The following ARID2 variants were observed in gnomAD, a reference collection of about 807,000 sequenced individuals.
ARID2 encodes the protein AT-rich interaction domain 2.
Under a neutral mutation model 184.6 loss-of-function variants are expected in ARID2, and 32 were observed. The observed-to-expected ratio is 0.17, with a 90% CI of 0.13 to 0.23. ARID2 has a LOEUF of 0.23. Among genes scored for constraint, ARID2 ranks in the 10% least tolerant of loss-of-function variants. ARID2 has a pLI of 1.00. For synonymous variants in ARID2, 836 were observed against 772.6 expected (o/e 1.08, Z -1.36); for missense variants, 1,696 against 2,197.6 (o/e 0.77, Z 4.56).
chr12:45,852,397 G>T lies in ARID2; in HGVS notation c.4274G>T (p.Gly1425Val), dbSNP rs368599091. The T allele has an allele frequency of 1.9e-6, 3 of 1,614,122 alleles. No individual in the cohort carries two copies. The highest frequency in any genetic ancestry group is 3.3e-5 in the Admixed American group (2 of 60,022). ...AATGGACCTGTATTAACTTTGGGTG[G>T]TTCATCTGTGAGCAGTATACAGGAG... The part of the protein sequence containing the change: ...ISNGPVLTLG[G>V]SSVSSIQEAS... The change falls in exon 15 of 21, where the codon GGT becomes GTT. Residue 1425 changes from glycine (G) to valine (V), a missense_variant. Around this residue, in one of 11 missense-constraint regions of ARID2, gnomAD observed 428 missense variants for 409.1 expected, o/e 1.05. Transcript: ENST00000334344.
intron 3 of ARID2, among the ~76,000 whole-genome samples, chr12:45,791,003 T>A (rs1942281445): frequency 6.6e-6 from 1 of 152,236 alleles, no homozygotes; most frequent in Non-Finnish European, 1.5e-5. Context: ...AACATGAGTG[T>A]ACAAATAATC....
chr12:45,848,368 G>T (rs1943480626), intron 12 of ARID2, among the ~76,000 whole-genome samples: 1 of 152,010 alleles, frequency 6.6e-6, no homozygotes, highest in Non-Finnish European at 1.5e-5. Flanking sequence ...TAGCTGAAAA[G>T]CTTGGATAAG....
chr12:45,830,606 G>A (rs1019377835), intron 6 of ARID2, among the ~76,000 whole-genome samples: 5 of 152,004 alleles, frequency 3.3e-5, no homozygotes, highest in Admixed American at 6.6e-5. Flanking sequence ...CATCAAGAGC[G>A]AAACCATTTG....
Position 45,731,450 on chromosome 12 carries a change from T to C in ARID2, c.284+136T>C, listed in dbSNP as rs1474829824. ...TGTTCATTTCAGACTGAGACACATTTAATATAAATAAAGTGAGATTGTAGG... is the reference window on the plus strand; with the variant it reads ...TGTTCATTTCAGACTGAGACACATTCAATATAAATAAAGTGAGATTGTAGG... On this transcript the variant is annotated intron_variant, in intron 3 of 20. Coordinates refer to ENST00000334344, the MANE Select transcript of ARID2 (RefSeq NM_152641.4). 4.9e-6 allele frequency: 3 copies of C among 608,758 alleles called. No homozygotes were observed. The East Asian group carries it at 8.4e-5, about 17-fold the overall frequency. The allele number at this position is 608,758 out of a possible 1,614,324, so 37.7% of individuals were successfully genotyped here.
intron 3 of ARID2, among the ~76,000 whole-genome samples, chr12:45,791,123 C>T (rs898994441): frequency 6.6e-6 from 1 of 151,856 alleles, no homozygotes; most frequent in African/African-American, 2.4e-5. Context: ...ATGCTGTTTC[C>T]CATAGTGGCT....
chr12:45,768,353 C>T (rs1325674537), intron 3 of ARID2, among the ~76,000 whole-genome samples: 3 of 152,010 alleles, frequency 2.0e-5, no homozygotes, highest in Non-Finnish European at 2.9e-5. Context: ...TCACCCATGC[C>T]CCAGCTTGTA....
At chr12:45,786,024 A>G (rs1459042055) in intron 3 of ARID2, among the ~76,000 whole-genome samples, 3 of 152,180 alleles carry the variant, frequency 2.0e-5, no homozygotes, top group Non-Finnish European at 4.4e-5. Flanking sequence ...TCATATTTCA[A>G]AAAACCTTTA....
intron 3 of ARID2, among the ~76,000 whole-genome samples, chr12:45,784,469 AGCTGGGGGCGGTG>A (rs1401663130): frequency 1.3e-5 from 2 of 152,200 alleles, no homozygotes; most frequent in East Asian, 3.8e-4. Flanking sequence ...ACTTAAATGA[AGCTGGGGGCGGTG>A]GCCTGGGCAA....
At chr12:45,797,993 CTTTA>C (rs1942421668) in intron 3 of ARID2, among the ~76,000 whole-genome samples, 1 of 151,972 alleles carries the variant, frequency 6.6e-6, no homozygotes, top group South Asian at 2.1e-4. Flanking sequence ...ATTATAGTTT[CTTTA>C]TTTCATTCTA....
rs1012319513 is a variant in ARID2, at chr12:45,887,000, A to G, written c.4923-4780A>G. 2.0e-5 allele frequency among the ~76,000 whole-genome samples: 3 copies of G among 152,304 alleles called. No homozygotes were observed. In the South Asian group the frequency reaches 6.2e-4, roughly 32 times the overall value. On this transcript the variant is annotated intron_variant, in intron 16 of 20. Transcript: ENST00000334344. ...CATTCAGCTCCTTGTTACTTATACAAATTCCTGCAGCAGACCTGAATTTCT... is the reference window on the plus strand; with the variant it reads ...CATTCAGCTCCTTGTTACTTATACAGATTCCTGCAGCAGACCTGAATTTCT...
At chr12:45,831,808 C>T (rs549520204) in intron 6 of ARID2, among the ~76,000 whole-genome samples, 3 of 152,194 alleles carry the variant, frequency 2.0e-5, no homozygotes, top group South Asian at 4.1e-4. Context: ...TTTTACCTTA[C>T]GTCTTTTGAA....
intron 3 of ARID2, among the ~76,000 whole-genome samples, chr12:45,787,119 G>A (rs540822028): frequency 6.6e-6 from 1 of 151,990 alleles, no homozygotes; most frequent in African/African-American, 2.4e-5. Flanking sequence ...AAAGTGTAGA[G>A]TTTAAGTGCT....
rs533405869 is a variant in ARID2 at position 45,835,792 on chromosome 12, C to T, written c.706-797C>T. On this transcript the variant is annotated intron_variant, in intron 6 of 20. Coordinates refer to ENST00000334344, the MANE Select transcript of ARID2 (RefSeq NM_152641.4). ...GCGCGTGCCTATAATTCCAGCTACT[C>T]GGGAGGCTGAGGTAGGGGAATCACT... is the stretch of plus-strand genomic sequence containing the variant. 9.2e-5 allele frequency among the ~76,000 whole-genome samples: 14 copies of T among 151,784 alleles called. 1 individual carries two copies. The highest frequency in any genetic ancestry group is 3.1e-4 in the African/African-American group (13 of 41,382).
At chr12:45,766,109 A>G (rs1464596191) in intron 3 of ARID2, among the ~76,000 whole-genome samples, 1 of 152,172 alleles carries the variant, frequency 6.6e-6, no homozygotes, top group Non-Finnish European at 1.5e-5. Flanking sequence ...GGTTGTTACA[A>G]ATAAGACCAC....
At chr12:45,901,671 G>GC (rs1245952315) in intron 20 of ARID2, among the ~76,000 whole-genome samples, 3 of 151,340 alleles carry the variant, frequency 2.0e-5, no homozygotes, top group South Asian at 4.2e-4. Flanking sequence ...CTTATCCTCC[G>GC]CCCCCCAAGA....
At chr12:45,773,840 C>T (rs897755352) in intron 3 of ARID2, among the ~76,000 whole-genome samples, 4 of 152,128 alleles carry the variant, frequency 2.6e-5, no homozygotes, top group African/African-American at 9.7e-5. Context: ...ACAGATTCTT[C>T]ACCAACTTTT....
chr12:45,819,801 T>C (rs994606105), intron 5 of ARID2, among the ~76,000 whole-genome samples: 24 of 151,940 alleles, frequency 1.6e-4, no homozygotes, highest in Admixed American at 1.3e-3. Context: ...TGGAATGCAG[T>C]GATGCAGTCT....
chr12:45,891,852 G>C lies in ARID2; in HGVS notation c.4995G>C (p.Gly1665=), dbSNP rs141708323. 716 of 1,614,054 alleles carry C rather than the reference G, an allele frequency of 4.4e-4. No individual in the cohort carries two copies. Among genetic ancestry groups the C allele is most frequent in the Non-Finnish European group, 5.8e-4 (679 of 1,180,028 alleles). Residue 1665 remains glycine, a synonymous_variant, in exon 17 of 21, where the codon GGG becomes GGC. Coordinates refer to ENST00000334344, the MANE Select transcript of ARID2 (RefSeq NM_152641.4). The part of the protein sequence containing the change: ...TEHGGKDVYP[G]QCLWEGCEPF... Reference sequence around the variant, plus strand: ...ATGGAGGAAAAGATGTATATCCAGGGCAGTGTCTTTGGGAAGGTTGTGAGC... The same window carrying C: ...ATGGAGGAAAAGATGTATATCCAGGCCAGTGTCTTTGGGAAGGTTGTGAGC...
At chr12:45,862,209 C>T (rs2138194082) in intron 16 of ARID2, among the ~76,000 whole-genome samples, 1 of 152,128 alleles carries the variant, frequency 6.6e-6, no homozygotes, top group African/African-American at 2.4e-5. Flanking sequence ...TTAAATATAT[C>T]ATAGTTCACC....
Sources: allele counts gnomAD v4.1 joint callset (sites outside exome capture counted in the v4.1 genomes callset), GRCh38; gene constraint gnomAD v4.1.1; regional missense constraint gnomAD v4.1.1; transcripts MANE v1.5; gene names NCBI Gene and HGNC (gene_info 2026-07-23, HGNC 2026-07-21).